Variants in KIF26B observed in about 807,000 individuals in gnomAD.
KIF26B encodes the protein kinesin-like protein KIF26B.
A neutral mutation model predicts 151.2 loss-of-function variants in KIF26B; 63 were observed. The observed-to-expected ratio is 0.42, with a 90% confidence interval of 0.34 to 0.51. The LOEUF is 0.51. Among genes scored for constraint, KIF26B ranks in the 20% least tolerant of loss-of-function variants. The pLI is 0.07. For synonymous variants in KIF26B, 1,357 were observed against 1,262.1 expected (o/e 1.08, Z -1.59); for missense variants, 2,813 against 2,913.6 (o/e 0.97, Z 0.79).
intron 4 of KIF26B, among the ~76,000 whole-genome samples, chr1:245,466,144 G>C (rs1558177460): frequency 6.6e-6 from 1 of 152,176 alleles, no homozygotes; most frequent in East Asian, 1.9e-4. Context: ...CCAGTCTCTG[G>C]ACCAGACTGT....
intron 2 of KIF26B, among the ~76,000 whole-genome samples, chr1:245,165,928 A>G (rs1668608006): frequency 6.6e-6 from 1 of 152,224 alleles, no homozygotes; most frequent in South Asian, 2.1e-4. Context: ...AGGTGAGGAC[A>G]TCTCAGGCAG....
chr1:245,452,296 C>T (rs2103053519), intron 4 of KIF26B, among the ~76,000 whole-genome samples: 1 of 152,316 alleles, frequency 6.6e-6, no homozygotes, highest in East Asian at 1.9e-4. Context: ...AACAGCATAT[C>T]ATTGTATGTA....
chr1:245,422,281 T>A lies in KIF26B; in HGVS notation c.1166+2536T>A, dbSNP rs570104045. ...AAAAAGAACAATTCTTTCTATAGAT[T>A]TCCCCCCCACCCTTTACTCATTACC... is the stretch of plus-strand genomic sequence containing the variant. On this transcript the variant is annotated intron_variant, in intron 4 of 14. Coordinates refer to ENST00000407071, the MANE Select transcript of KIF26B (RefSeq NM_018012.4). 2.0e-4 allele frequency among the ~76,000 whole-genome samples: 31 copies of A among 151,524 alleles called. No individual in the cohort carries two copies. In the South Asian group the frequency reaches 6.2e-3, roughly 31 times the overall value.
rs953485192 is a variant in KIF26B at position 245,166,246 on chromosome 1, ACCCTCCTTCCTT to A, written c.465+9581_465+9592del. ...AAGTTGAATTTTATATAAGATTCCT[ACCCTCCTTCCTT>A]CCCTCCTTCCTTCCCTCTTTCCTTC... is the stretch of plus-strand genomic sequence containing the variant. On this transcript the variant is annotated intron_variant, in intron 2 of 14. Coordinates refer to ENST00000407071, the MANE Select transcript of KIF26B (RefSeq NM_018012.4). This position sits in a 1 kb window ranked among gnomAD's most constrained non-coding sequence, Gnocchi z 4.5. 1.4e-4 allele frequency among the ~76,000 whole-genome samples: 22 copies of A among 151,950 alleles called. No homozygotes were observed. The highest frequency in any genetic ancestry group is 3.2e-3 in the Middle Eastern group (1 of 314).
intron 4 of KIF26B, among the ~76,000 whole-genome samples, chr1:245,533,827 A>G (rs1661432524): frequency 6.6e-6 from 1 of 151,772 alleles, no homozygotes; most frequent in African/African-American, 2.4e-5. Flanking sequence ...TTCCCCCTCT[A>G]ATCTACATAA....
intron 2 of KIF26B, among the ~76,000 whole-genome samples, chr1:245,267,683 C>CACAA (rs961712772): frequency 3.8e-5 from 5 of 132,028 alleles, no homozygotes; most frequent in Non-Finnish European, 8.0e-5. Context: ...CACACACACA[C>CACAA]AAAAGGAGAA....
intron 2 of KIF26B, chr1:245,206,748 ACT>A (rs1669414033): frequency 6.6e-6 from 1 of 151,978 alleles, no homozygotes; most frequent in Non-Finnish European, 1.5e-5. Flanking sequence ...ATTTCCATGA[ACT>A]CTCTGACCGT....
chr1:245,429,087 T>C (rs1436259519), intron 4 of KIF26B, among the ~76,000 whole-genome samples: 2 of 152,108 alleles, frequency 1.3e-5, no homozygotes, highest in South Asian at 2.1e-4. Context: ...CATTCTGACT[T>C]GAGGCAAGTA....
intron 8 of KIF26B, among the ~76,000 whole-genome samples, chr1:245,611,027 T>C (rs1261024669): frequency 6.6e-6 from 1 of 152,252 alleles, no homozygotes; most frequent in Non-Finnish European, 1.5e-5. Context: ...TCTGTTAATG[T>C]GATCGTTGTG....
At chr1:245,279,960 G>A (rs6702533) in intron 2 of KIF26B, among the ~76,000 whole-genome samples, 13,803 of 151,748 alleles carry the variant, frequency 0.091, 694 homozygotes, top group Middle Eastern at 0.12. Flanking sequence ...AAATCACTCC[G>A]TTGAGTGATT....
chr1:245,516,504 T>A lies in KIF26B; in HGVS notation c.1167-24263T>A, dbSNP rs969585196. 1.3e-5 allele frequency among the ~76,000 whole-genome samples: 2 copies of A among 152,124 alleles called. No homozygotes were observed. Among genetic ancestry groups the A allele is most frequent in the African/African-American group, 2.4e-5 (1 of 41,436 alleles). On this transcript the variant is annotated intron_variant, in intron 4 of 14. Coordinates refer to ENST00000407071, the MANE Select transcript of KIF26B (RefSeq NM_018012.4). This position sits in a 1 kb window ranked among gnomAD's most constrained non-coding sequence, Gnocchi z 4.2. ...CGCTGCAGCTGCCTTTGCTATACAG[T>A]GAATACACTGTGGGTCTATTATTCG...
intron 2 of KIF26B, among the ~76,000 whole-genome samples, chr1:245,238,448 A>G (rs1405968534): frequency 1.3e-5 from 2 of 152,220 alleles, no homozygotes; most frequent in Non-Finnish European, 2.9e-5. Flanking sequence ...CCAGTTTTCA[A>G]ATTTTCCATA....
chr1:245,291,290 G>T (rs1671249505), intron 2 of KIF26B, among the ~76,000 whole-genome samples: 1 of 152,194 alleles, frequency 6.6e-6, no homozygotes, highest in Admixed American at 6.5e-5. Context: ...AGTAATTGAG[G>T]ACATTTTTGC....
chr1:245,478,428 G>A (rs1215351975), intron 4 of KIF26B, among the ~76,000 whole-genome samples: 1 of 38,292 alleles, frequency 2.6e-5, no homozygotes, highest in Non-Finnish European at 5.1e-5. Context: ...GATCTGACTC[G>A]CATTTTTTTT....
intron 4 of KIF26B, among the ~76,000 whole-genome samples, chr1:245,520,113 C>CAGAGAGAG (rs1661056342): frequency 1.8e-5 from 1 of 56,828 alleles, no homozygotes. Flanking sequence ...ACTCAACTAA[C>CAGAGAGAG]TGAGAGAGAG....
chr1:245,462,358 G>A (rs1056043785), intron 4 of KIF26B, among the ~76,000 whole-genome samples: 2 of 152,166 alleles, frequency 1.3e-5, no homozygotes, highest in Non-Finnish European at 2.9e-5. Context: ...CACGCGTAGT[G>A]TTTGCCCCAG....
chr1:245,486,755 C>T (rs978070802), intron 4 of KIF26B, among the ~76,000 whole-genome samples: 2 of 152,142 alleles, frequency 1.3e-5, no homozygotes, highest in African/African-American at 2.4e-5. Context: ...ACTGCAGCCT[C>T]GGCCTCCCAG....
At chr1:245,269,094 A>C (rs998442743) in intron 2 of KIF26B, among the ~76,000 whole-genome samples, 2 of 152,234 alleles carry the variant, frequency 1.3e-5, no homozygotes, top group Non-Finnish European at 2.9e-5. Context: ...TAAAGTGTAC[A>C]ATACAATATT....
rs187031346 is a variant in KIF26B at position 245,312,849 on chromosome 1, G to A, written c.466-53985G>A. ...CACTACCATAATAGTATCTGCAAGA[G>A]AACAAATTCAAGGGAAGATGGATGG... On this transcript the variant is annotated intron_variant, in intron 2 of 14. Transcript: ENST00000407071. Among the ~76,000 whole-genome samples, 205 of 152,254 alleles carry A rather than the reference G, an allele frequency of 1.3e-3. 1 individual carries two copies. Among genetic ancestry groups the A allele is most frequent in the Non-Finnish European group, 1.7e-3 (114 of 68,014 alleles).
Sources: allele counts gnomAD v4.1 joint callset (sites outside exome capture counted in the v4.1 genomes callset), GRCh38; gene constraint gnomAD v4.1.1; non-coding constraint Gnocchi (gnomAD v3.1); transcripts MANE v1.5; gene names NCBI Gene and HGNC (gene_info 2026-07-23, HGNC 2026-07-21).